The following HEPHL1 variants were observed in gnomAD, a reference collection of about 807,000 sequenced individuals.
The protein encoded by HEPHL1 is hephaestin like 1.
Under a neutral mutation model 122.0 loss-of-function variants are expected in HEPHL1, and 123 were observed. The ratio of observed to expected loss-of-function variants is 1.01; its 90% CI spans 0.87 to 1.17. The LOEUF (loss-of-function observed/expected upper bound fraction) is 1.17, where lower values mean the gene tolerates loss of function less well. Among genes scored for constraint, HEPHL1 ranks in the 50% most tolerant of loss-of-function variants. The pLI is 0.00. For missense variants in HEPHL1, 1,452 were observed against 1,430.5 expected, an observed-to-expected ratio of 1.01 and a Z score of -0.24; for synonymous variants, 527 against 508.9, an observed-to-expected ratio of 1.04 and a Z score of -0.48.
intron 2 of HEPHL1, among the ~76,000 whole-genome samples, chr11:94,059,015 A>G (rs2134424075): frequency 6.6e-6 from 1 of 152,352 alleles, no homozygotes; most frequent in East Asian, 1.9e-4. Context: ...AAGAGGTATA[A>G]GAAGAAAAGT....
chr11:94,089,985 G>A (rs1333129732), intron 12 of HEPHL1, among the ~76,000 whole-genome samples: 2 of 151,876 alleles, frequency 1.3e-5, no homozygotes, highest in Non-Finnish European at 2.9e-5. Flanking sequence ...CCGTGGCTGC[G>A]AGACAAACAC....
intron 6 of HEPHL1, among the ~76,000 whole-genome samples, chr11:94,072,473 G>A (rs958134391): frequency 7.2e-5 from 11 of 152,112 alleles, no homozygotes; most frequent in African/African-American, 2.7e-4. Flanking sequence ...ATGGAAATAA[G>A]ATAGTATAGA....
chr11:94,075,525 G>T, intron 9 of HEPHL1, 140 bp downstream of exon 9: 2 of 623,488 alleles, frequency 3.2e-6, no homozygotes, highest in Non-Finnish European at 2.8e-6. Context: ...ACATAATGGA[G>T]ATTTTATTTG....
At chr11:94,049,209 TA>T (rs1210116521) in intron 2 of HEPHL1, among the ~76,000 whole-genome samples, 5 of 151,874 alleles carry the variant, frequency 3.3e-5, no homozygotes, top group Admixed American at 2.0e-4. Context: ...ACAGGTATAT[TA>T]AAAAAATGCT....
At chr11:94,078,458 T>TATATATATATATAC (rs1555064811) in intron 9 of HEPHL1, among the ~76,000 whole-genome samples, 6 of 41,674 alleles carry the variant, frequency 1.4e-4, no homozygotes, top group Non-Finnish European at 2.8e-4. Flanking sequence ...TATATATATA[T>TATATATATATATAC]ATATATATAT....
At chr11:94,087,056 T>C (rs1337117692) in intron 11 of HEPHL1, among the ~76,000 whole-genome samples, 1 of 152,222 alleles carries the variant, frequency 6.6e-6, no homozygotes, top group Non-Finnish European at 1.5e-5. Flanking sequence ...AGGCTTGGGC[T>C]TCAAAATCTT....
chr11:94,108,732 G>C (rs549253560), intron 17 of HEPHL1, among the ~76,000 whole-genome samples: 1 of 151,704 alleles, frequency 6.6e-6, no homozygotes, highest in African/African-American at 2.4e-5. Flanking sequence ...ATGTCTGGGC[G>C]GTCTCTTCTG....
At position 94,082,447 on chromosome 11, in the gene HEPHL1, G is replaced by C; in HGVS notation, c.1746G>C (p.Leu582=). The C allele has an allele frequency of 1.2e-6, 2 of 1,612,270 alleles. No homozygotes were observed. Among genetic ancestry groups the C allele is most frequent in the Non-Finnish European group, 1.7e-6 (2 of 1,178,714 alleles). Residue 582 remains leucine (L), a synonymous_variant, in exon 10 of 20, where the codon CTG becomes CTC. Coordinates refer to ENST00000315765, the MANE Select transcript of HEPHL1 (RefSeq NM_001098672.2). ...GAATAGACAAGGAGTTTTACCTACT[G>C]TTCACAGTCTTTGATGAGAATCTGA... ...QKGIDKEFYL[L]FTVFDENLSR... is the part of the protein sequence containing the mutation.
chr11:94,090,649 C>A (rs1159008066), intron 12 of HEPHL1, among the ~76,000 whole-genome samples: 2 of 152,140 alleles, frequency 1.3e-5, no homozygotes, highest in Non-Finnish European at 2.9e-5. Context: ...GATAACAATT[C>A]AGTATGGAAT....
intron 12 of HEPHL1, among the ~76,000 whole-genome samples, chr11:94,091,239 C>T (rs1213436533): frequency 6.6e-6 from 1 of 152,196 alleles, no homozygotes; most frequent in Non-Finnish European, 1.5e-5. Flanking sequence ...ACCATTCTCA[C>T]AAGATGATGA....
chr11:94,067,450 C>T (rs550051977), intron 4 of HEPHL1, 46 bp from the exon 5 acceptor site: 11 of 1,591,068 alleles, frequency 6.9e-6, no homozygotes, highest in South Asian at 3.4e-5. Flanking sequence ...TGGTCCCAGT[C>T]GCCTCTGCAG....
At chr11:94,096,560 T>C (rs1024449696) in intron 13 of HEPHL1, among the ~76,000 whole-genome samples, 1 of 152,224 alleles carries the variant, frequency 6.6e-6, no homozygotes, top group African/African-American at 2.4e-5. Context: ...ATTCCCTCTT[T>C]TTCTATTGAT....
In HEPHL1 at chr11:94,092,418, A is replaced by G. The variant is rs182780535; in HGVS notation, c.2295-1083A>G. Among the ~76,000 whole-genome samples the G allele has an allele frequency of 4.6e-4, 70 of 152,328 alleles. 1 individual carries two copies. Among genetic ancestry groups the G allele is most frequent in the Middle Eastern group, 3.4e-3 (1 of 294 alleles). On this transcript the variant is annotated intron_variant, in intron 12 of 19. Coordinates refer to ENST00000315765, the MANE Select transcript of HEPHL1 (RefSeq NM_001098672.2). ...CATTTGCAGGTACATGTAGAGTGGC[A>G]AAAAATTTACGTTGCTTGATGCACA...
At chr11:94,033,843 A>G (rs1945697159) in intron 1 of HEPHL1, among the ~76,000 whole-genome samples, 1 of 152,162 alleles carries the variant, frequency 6.6e-6, no homozygotes, top group South Asian at 2.1e-4. Flanking sequence ...TGAGCTCACA[A>G]ACCAGAGATG....
Position 94,088,987 on chromosome 11 carries a change from C to T in HEPHL1, c.2294+19C>T. 1 of 1,609,682 alleles carries T rather than the reference C, an allele frequency of 6.2e-7. No individual in the cohort carries two copies. The highest frequency in any genetic ancestry group is 1.7e-5 in the Admixed American group (1 of 60,020). On this transcript the variant is annotated intron_variant, in intron 12 of 19. Transcript: ENST00000315765. Reference sequence around the variant, plus strand: ...GGGAAAGGTACCACAGGCGCCGCCGCTAGGGCTCCTCGGTGGGATCGCGCA... The same window carrying T: ...GGGAAAGGTACCACAGGCGCCGCCGTTAGGGCTCCTCGGTGGGATCGCGCA...
At chr11:94,087,820 T>C (rs1260792737) in intron 11 of HEPHL1, among the ~76,000 whole-genome samples, 5 of 152,286 alleles carry the variant, frequency 3.3e-5, no homozygotes, top group African/African-American at 7.2e-5. Context: ...AATCAACCCA[T>C]TGAATTTTTG....
chr11:94,058,027 A>G (rs1239756930), intron 2 of HEPHL1, among the ~76,000 whole-genome samples: 1 of 151,348 alleles, frequency 6.6e-6, no homozygotes, highest in Non-Finnish European at 1.5e-5. Context: ...TTTTTTTATT[A>G]TTTATTTTTA....
chr11:94,095,140 A>C lies in HEPHL1; in HGVS notation c.2434+1500A>C, dbSNP rs557754450. Among the ~76,000 whole-genome samples, 620 of 152,278 alleles carry C rather than the reference A, an allele frequency of 4.1e-3. 5 individuals carry two copies. Among genetic ancestry groups the C allele is most frequent in the African/African-American group, 0.014 (587 of 41,534 alleles). On this transcript the variant is annotated intron_variant, in intron 13 of 19. Coordinates refer to ENST00000315765, the MANE Select transcript of HEPHL1 (RefSeq NM_001098672.2). ...TTTTATGGTTTTAGGTCTAACATTTAAGTCTTTAATCAATCTTGAATTAAT... is the reference window on the plus strand; with the variant it reads ...TTTTATGGTTTTAGGTCTAACATTTCAGTCTTTAATCAATCTTGAATTAAT...
At chr11:94,110,424 T>C (rs1449140195) in intron 17 of HEPHL1, among the ~76,000 whole-genome samples, 1 of 152,192 alleles carries the variant, frequency 6.6e-6, no homozygotes. Context: ...AACTTACTGA[T>C]ATGGTTGTTA....
Sources: allele counts gnomAD v4.1 joint callset (sites outside exome capture counted in the v4.1 genomes callset), GRCh38; gene constraint gnomAD v4.1.1; transcripts MANE v1.5; gene names NCBI Gene and HGNC (gene_info 2026-07-23, HGNC 2026-07-21).